The following CNKSR2 variants were observed in gnomAD, a reference collection of about 807,000 sequenced individuals.
CNKSR2 encodes the protein CNK homolog protein 2.
Under a neutral mutation model 84.4 loss-of-function variants are expected in CNKSR2, and 14 were observed. The observed-to-expected ratio is 0.17, with a 90% confidence interval of 0.11 to 0.26. The LOEUF is 0.26. Ranked by LOEUF, CNKSR2 falls within the 10% of genes least tolerant of loss-of-function variation. The pLI is 1.00. For missense variants in CNKSR2, 485 were observed against 771.2 expected (o/e 0.63, Z 4.40); for synonymous variants, 275 against 277.9 (o/e 0.99, Z 0.10).
At chrX:21,591,329 C>A in intron 15 of CNKSR2, 135 bp downstream of exon 15, 2 of 447,371 alleles carry the variant, frequency 4.5e-6, no homozygotes, top group Non-Finnish European at 7.3e-6. Context: ...ATTTTTCAAT[C>A]CACCCTCTTA....
intron 20 of CNKSR2, among the ~76,000 whole-genome samples, chrX:21,611,811 G>T (rs2092551672): frequency 9.0e-6 from 1 of 111,462 alleles, no homozygotes; most frequent in African/African-American, 3.3e-5. Flanking sequence ...ATTTGGTATT[G>T]TACTTTTTGT....
chrX:21,595,240 G>T, intron 16 of CNKSR2, 84 bp from the exon 17 acceptor site: 1 of 750,401 alleles, frequency 1.3e-6, no homozygotes, highest in African/African-American at 2.1e-5. Context: ...CGGGTTAGAT[G>T]TTGAGGTAAT....
chrX:21,404,855 A>T lies in CNKSR2; in HGVS notation c.65-21642A>T, dbSNP rs1054722587. On this transcript the variant is annotated intron_variant, in intron 1 of 21. Transcript: ENST00000379510. ...GGATCTGACATTACTTTTTTCCCAG[A>T]TGGAGAGCCAGGCGTTCTAACACAA... Among the ~76,000 whole-genome samples the T allele has an allele frequency of 2.4e-4, 26 of 108,444 alleles. 1 individual carries two copies. The highest frequency in any genetic ancestry group is 8.4e-4 in the African/African-American group (25 of 29,899). The allele number at this position is 108,444 out of a possible 115,157, so 94.2% of individuals were successfully genotyped here. A position where few individuals can be genotyped will look rare whatever the true frequency, so the allele number is the denominator to read the frequency against.
intron 4 of CNKSR2, among the ~76,000 whole-genome samples, chrX:21,452,028 A>C (rs1159992715): frequency 9.0e-6 from 1 of 111,555 alleles, no homozygotes; most frequent in Non-Finnish European, 1.9e-5. Flanking sequence ...TAAAGTTACA[A>C]GACAGCTATT....
intron 9 of CNKSR2, among the ~76,000 whole-genome samples, chrX:21,521,007 T>G (rs1282365978): frequency 9.0e-6 from 1 of 110,623 alleles, no homozygotes; most frequent in African/African-American, 3.3e-5. Context: ...TAGTTGATTT[T>G]GTTTATCAAC....
chrX:21,641,480 T>G (rs2092691377), intron 20 of CNKSR2: 2 of 1,156,762 alleles, frequency 1.7e-6, no homozygotes, highest in Non-Finnish European at 2.3e-6. Context: ...GCTTTGGAAA[T>G]AATGGCACTC....
chrX:21,611,503 G>T (rs2092549870), intron 20 of CNKSR2, among the ~76,000 whole-genome samples: 1 of 112,337 alleles, frequency 8.9e-6, no homozygotes, highest in African/African-American at 3.2e-5. Flanking sequence ...AAGCAAGCGT[G>T]TCCTAAGACA....
chrX:21,633,104 C>T (rs1026354199), intron 20 of CNKSR2, among the ~76,000 whole-genome samples: 1 of 110,794 alleles, frequency 9.0e-6, no homozygotes, highest in African/African-American at 3.3e-5. Context: ...ATACTAAATA[C>T]TTTACAGCTG....
chrX:21,563,559 C>A, intron 13 of CNKSR2, 107 bp downstream of exon 13: 1 of 566,988 alleles, frequency 1.8e-6, no homozygotes. Flanking sequence ...TAGATTTTCA[C>A]AAAAGAGCCT....
intron 13 of CNKSR2, among the ~76,000 whole-genome samples, chrX:21,578,281 G>T (rs1448513804): frequency 9.0e-6 from 1 of 111,682 alleles, no homozygotes; most frequent in East Asian, 2.8e-4. Flanking sequence ...GTAAACAGGA[G>T]AATAAGTTGT....
intron 2 of CNKSR2, chrX:21,427,793 A>G (rs1190963525): frequency 8.9e-6 from 1 of 112,674 alleles, no homozygotes; most frequent in Non-Finnish European, 1.9e-5. Context: ...GACAATAGCC[A>G]TCAGAAGACA....
intron 1 of CNKSR2, among the ~76,000 whole-genome samples, chrX:21,384,049 T>G (rs2089935917): frequency 8.9e-6 from 1 of 112,032 alleles, no homozygotes; most frequent in African/African-American, 3.2e-5. Context: ...ATATTTTAAT[T>G]TTGTGAAAAT....
At chrX:21,471,315 C>A (rs762554776) in intron 5 of CNKSR2, among the ~76,000 whole-genome samples, 2 of 112,058 alleles carry the variant, frequency 1.8e-5, no homozygotes, top group African/African-American at 6.5e-5. Context: ...AAATGGGCTA[C>A]GCGTACATTA....
chrX:21,448,706 A>G (rs973511535), intron 4 of CNKSR2, among the ~76,000 whole-genome samples: 4 of 111,531 alleles, frequency 3.6e-5, no homozygotes, highest in African/African-American at 9.8e-5. Context: ...CATAATATTA[A>G]TATTACTTTT....
intron 15 of CNKSR2, chrX:21,592,567 G>A (rs1212043840): frequency 9.0e-6 from 1 of 111,188 alleles, no homozygotes; most frequent in Non-Finnish European, 1.9e-5. Context: ...GACCCTGTCT[G>A]AAAAAAATGT....
intron 6 of CNKSR2, among the ~76,000 whole-genome samples, chrX:21,497,239 A>G (rs766406739): frequency 2.8e-4 from 31 of 111,561 alleles, no homozygotes; most frequent in African/African-American, 9.7e-4. Context: ...GGATATAATT[A>G]GTAAAACTTT....
chrX:21,415,833 TAC>T (rs559013925), intron 1 of CNKSR2, among the ~76,000 whole-genome samples: 40,331 of 87,798 alleles, frequency 0.46, 8,156 homozygotes, highest in South Asian at 0.71. Flanking sequence ...TATACATATA[TAC>T]ACACACACAC....
At chrX:21,468,042 G>A (rs868209798) in intron 4 of CNKSR2, among the ~76,000 whole-genome samples, 16 of 110,677 alleles carry the variant, frequency 1.4e-4, no homozygotes, top group Non-Finnish European at 3.0e-4. Flanking sequence ...ATTGATTTGT[G>A]TAATGGTGTA....
In CNKSR2 at chrX:21,652,382, G is replaced by T; in HGVS notation, c.2966G>T (p.Trp989Leu). The change falls in exon 22 of 22, where the codon TGG (tryptophan) becomes TTG (leucine). Residue 989 changes from tryptophan (W) to leucine (L), a missense_variant. Around this residue, in one of 5 missense-constraint regions of CNKSR2, gnomAD observed 210 missense variants for 291.5 expected, o/e 0.72. Coordinates refer to ENST00000379510, the MANE Select transcript of CNKSR2 (RefSeq NM_014927.5). ...TTGACATCTAAAGAATTCCAACAAT[G>T]GAAGCAGATGTACCTCGACCTTTTC... ...PDLTSKEFQQ[W>L]KQMYLDLFLD... The T allele has an allele frequency of 8.3e-7, 1 of 1,209,450 alleles. No individual in the cohort carries two copies. Among genetic ancestry groups the T allele is most frequent in the Non-Finnish European group, 1.1e-6 (1 of 893,282 alleles).
Sources: allele counts gnomAD v4.1 joint callset (sites outside exome capture counted in the v4.1 genomes callset), GRCh38; gene constraint gnomAD v4.1.1; regional missense constraint gnomAD v4.1.1; transcripts MANE v1.5; gene names NCBI Gene and HGNC (gene_info 2026-07-23, HGNC 2026-07-21).